The following DIP2C variants were observed in gnomAD, a reference collection of about 807,000 sequenced individuals.
DIP2C encodes DIP2 acetate--CoA ligase C (putative).
Under a neutral mutation model 192.4 loss-of-function variants are expected in DIP2C, and 33 were observed. The ratio of observed to expected loss-of-function variants is 0.17; its 90% CI spans 0.13 to 0.23. The LOEUF (loss-of-function observed/expected upper bound fraction) is 0.23, where lower values mean the gene tolerates loss of function less well. Among genes scored for constraint, DIP2C ranks in the 10% least tolerant of loss-of-function variants. The pLI is 1.00. For missense variants in DIP2C, 1,537 were observed against 2,110.1 expected (o/e 0.73, Z 5.32); for synonymous variants, 979 against 864.1 (o/e 1.13, Z -2.33).
chr10:526,526 C>T (rs1182734003), intron 1 of DIP2C, among the ~76,000 whole-genome samples: 1 of 42,432 alleles, frequency 2.4e-5, no homozygotes, highest in Non-Finnish European at 7.7e-5. Context: ...CAGCCCTACC[C>T]CACCAAAAAA....
chr10:491,361 A>G (rs1322808034), intron 1 of DIP2C, among the ~76,000 whole-genome samples: 1 of 152,242 alleles, frequency 6.6e-6, no homozygotes, highest in Non-Finnish European at 1.5e-5. Context: ...CATGTTGGGA[A>G]TTCTACGGCT....
At chr10:553,599 C>T (rs1408187595) in intron 1 of DIP2C, among the ~76,000 whole-genome samples, 1 of 152,224 alleles carries the variant, frequency 6.6e-6, no homozygotes, top group Non-Finnish European at 1.5e-5. Flanking sequence ...TGAGTATGTG[C>T]ATTGAATACT....
At chr10:466,250 C>G (rs1336476223) in intron 3 of DIP2C, among the ~76,000 whole-genome samples, 2 of 151,766 alleles carry the variant, frequency 1.3e-5, no homozygotes, top group African/African-American at 4.9e-5. Context: ...CTACAACTAT[C>G]TGATCTTTGA....
intron 3 of DIP2C, 79 bp from the exon 4 acceptor site, chr10:441,075 C>A: frequency 2.0e-6 from 3 of 1,478,738 alleles, no homozygotes; most frequent in Admixed American, 2.4e-5. Flanking sequence ...TCTGTCCCTG[C>A]AGCACAGTTC....
intron 1 of DIP2C, among the ~76,000 whole-genome samples, chr10:685,606 A>C (rs1831302628): frequency 6.6e-6 from 1 of 152,176 alleles, no homozygotes; most frequent in Non-Finnish European, 1.5e-5. Flanking sequence ...TCAACAGAGA[A>C]ACTTACTTCC....
chr10:447,426 T>G (rs1327877292), intron 3 of DIP2C, among the ~76,000 whole-genome samples: 16 of 103,764 alleles, frequency 1.5e-4, no homozygotes, highest in Admixed American at 5.2e-4. Flanking sequence ...CATCCCCATC[T>G]ATACTCAGGA....
rs1963463809 is a variant in DIP2C at position 391,639 on chromosome 10, T to G, written c.1261-776A>C. Among the ~76,000 whole-genome samples, 3 of 152,338 alleles carry G rather than the reference T, an allele frequency of 2.0e-5. No individual in the cohort carries two copies. The South Asian group carries it at 6.2e-4, about 32-fold the overall frequency. On this transcript the variant is annotated intron_variant, in intron 10 of 36. Coordinates refer to ENST00000280886, the MANE Select transcript of DIP2C (RefSeq NM_014974.3). The stretch of plus-strand genomic sequence containing the variant: ...GCCAGCTGTGTGGGTTTTCCATTAT[T>G]TGATTCATAAAATAAACTGAAAGCT...
At chr10:619,541 G>GCCCGCCCGCCCTCCCGCCCTCCCA in intron 1 of DIP2C, among the ~76,000 whole-genome samples, 9 of 67,896 alleles carry the variant, frequency 1.3e-4, no homozygotes, top group African/African-American at 3.1e-4. Flanking sequence ...CCGCCCGCCC[G>GCCCGCCCGCCCTCCCGCCCTCCCA]CCCTCCCACC....
At chr10:417,628 CAG>C (rs1377774796) in intron 6 of DIP2C, among the ~76,000 whole-genome samples, 8 of 19,930 alleles carry the variant, frequency 4.0e-4, no homozygotes, top group African/African-American at 7.8e-4. Flanking sequence ...CTGCGCCTGT[CAG>C]GGCTCGGATA....
intron 1 of DIP2C, among the ~76,000 whole-genome samples, chr10:572,325 C>T (rs1849874439): frequency 6.6e-6 from 1 of 152,234 alleles, no homozygotes; most frequent in Non-Finnish European, 1.5e-5. Context: ...CACACTCTGC[C>T]TTTATATTGC....
At chr10:579,941 T>G (rs983896234) in intron 1 of DIP2C, among the ~76,000 whole-genome samples, 3 of 151,688 alleles carry the variant, frequency 2.0e-5, no homozygotes, top group Non-Finnish European at 4.4e-5. Context: ...CACTATAACA[T>G]GTATGTACAT....
chr10:281,830 A>G (rs1383173527), intron 35 of DIP2C, among the ~76,000 whole-genome samples: 1 of 152,240 alleles, frequency 6.6e-6, no homozygotes, highest in East Asian at 1.9e-4. Context: ...GCTCTTGTTC[A>G]TGAACATTTC....
intron 1 of DIP2C, among the ~76,000 whole-genome samples, chr10:604,688 A>C (rs1459489199): frequency 1.3e-5 from 2 of 152,230 alleles, no homozygotes; most frequent in African/African-American, 4.8e-5. Context: ...AATTAAATTA[A>C]TTTTCCCCTA....
intron 8 of DIP2C, 53 bp downstream of exon 8, chr10:413,860 G>C (rs1244645920): frequency 3.8e-6 from 6 of 1,584,768 alleles, no homozygotes; most frequent in Non-Finnish European, 5.2e-6. Context: ...CTGCGTTCGG[G>C]AGTGGCTGTG....
intron 2 of DIP2C, chr10:484,774 C>A (rs531805745): frequency 1.2e-6 from 2 of 1,609,648 alleles, no homozygotes; most frequent in East Asian, 2.2e-5. Context: ...AGCAAAGCAG[C>A]GCTCACCGAA....
Position 617,399 on chromosome 10 carries a change from T to A in DIP2C, c.85+72095A>T, listed in dbSNP as rs1201342217. ...AGATGGGAATGGTAACTGAACCCAC[T>A]TCCCAGGGTGGCTGTGGAGACTGAG... On this transcript the variant is annotated intron_variant, in intron 1 of 36. Transcript: ENST00000280886. 2.0e-5 allele frequency among the ~76,000 whole-genome samples: 3 copies of A among 152,128 alleles called. No homozygotes were observed. The South Asian group carries it at 6.2e-4, about 32-fold the overall frequency.
At chr10:307,911 G>T (rs1265892130) in intron 32 of DIP2C, among the ~76,000 whole-genome samples, 1 of 149,458 alleles carries the variant, frequency 6.7e-6, no homozygotes, top group Non-Finnish European at 1.5e-5. Context: ...CCCTCTGGAG[G>T]GCAGCAGGGA....
chr10:657,120 GCTGGACCTGCCA>G (rs1196149308), intron 1 of DIP2C, among the ~76,000 whole-genome samples: 5 of 139,232 alleles, frequency 3.6e-5, no homozygotes, highest in African/African-American at 1.3e-4. Context: ...CGGACCTGCC[GCTGGACCTGCCA>G]CTGGACCTGC....
At chr10:329,388 C>A (rs776821115) in intron 30 of DIP2C, 45 bp downstream of exon 30, 11 of 1,567,366 alleles carry the variant, frequency 7.0e-6, no homozygotes, top group African/African-American at 1.4e-5. Flanking sequence ...AGAAAGGAGT[C>A]CCTGTGGGCT....
Sources: allele counts gnomAD v4.1 joint callset (sites outside exome capture counted in the v4.1 genomes callset), GRCh38; gene constraint gnomAD v4.1.1; transcripts MANE v1.5; gene names NCBI Gene and HGNC (gene_info 2026-07-23, HGNC 2026-07-21).